Variants in LIN9 observed in about 807,000 individuals in gnomAD.
The protein encoded by LIN9 is protein lin-9 homolog.
A neutral mutation model predicts 78.0 loss-of-function variants in LIN9; 18 were observed. The observed-to-expected ratio is 0.23, with a 90% confidence interval of 0.16 to 0.34. The LOEUF is 0.34. Ranked by LOEUF, LIN9 falls within the 10% of genes least tolerant of loss-of-function variation. The pLI, the probability that LIN9 is intolerant of heterozygous loss-of-function variation, is 1.00. For synonymous variants in LIN9, 192 were observed against 215.2 expected, an observed-to-expected ratio of 0.89 and a Z score of 0.94; for missense variants, 451 against 644.1, an observed-to-expected ratio of 0.70 and a Z score of 3.25.
chr1:226,259,911 AACT>A (rs1209437227), intron 10 of LIN9, among the ~76,000 whole-genome samples: 7 of 150,074 alleles, frequency 4.7e-5, no homozygotes, highest in South Asian at 2.1e-4. Context: ...GAATAATATA[AACT>A]AGAGCAGAAA....
chr1:226,300,348 C>A (rs960551791), intron 2 of LIN9, among the ~76,000 whole-genome samples: 1 of 151,776 alleles, frequency 6.6e-6, no homozygotes, highest in Non-Finnish European at 1.5e-5. Flanking sequence ...CCCAGGAGTT[C>A]GAGACCAGCC....
At chr1:226,252,143 T>C (rs1304702293) in intron 10 of LIN9, among the ~76,000 whole-genome samples, 1 of 151,966 alleles carries the variant, frequency 6.6e-6, no homozygotes, top group African/African-American at 2.4e-5. Flanking sequence ...ATTAGCTGGG[T>C]TTGGTGGCTT....
Position 226,289,217 on chromosome 1 carries a change from AGAGT to A in LIN9, c.265-1424_265-1421del, listed in dbSNP as rs1661570030. On this transcript the variant is annotated intron_variant, in intron 4 of 14. Coordinates refer to ENST00000681046, the MANE Select transcript of LIN9 (RefSeq NM_001366245.2). Reference sequence around the variant, plus strand: ...ACCACTGCACTCCAGCCTGGGCGACAGAGTGAGACTCCATGTCAAAAAAAAAGAA... The same window carrying A: ...ACCACTGCACTCCAGCCTGGGCGACAGAGACTCCATGTCAAAAAAAAAGAA... Among the ~76,000 whole-genome samples the A allele has an allele frequency of 3.3e-5, 5 of 151,852 alleles. No individual in the cohort carries two copies. In the South Asian group the frequency reaches 1.0e-3, roughly 32 times the overall value.
intron 6 of LIN9, among the ~76,000 whole-genome samples, chr1:226,282,054 T>G (rs374921944): frequency 1.8e-4 from 28 of 152,332 alleles, no homozygotes; most frequent in African/African-American, 6.7e-4. Context: ...AAAATGCATA[T>G]GTTCCTCTAT....
At chr1:226,236,947 A>G (rs1266785909) in intron 12 of LIN9, among the ~76,000 whole-genome samples, 3 of 152,224 alleles carry the variant, frequency 2.0e-5, no homozygotes, top group Non-Finnish European at 2.9e-5. Context: ...CAGTGAGGCT[A>G]TGAACATTCT....
In LIN9 at chr1:226,231,435, C is replaced by T. The variant is rs148302888; in HGVS notation, c.*1066G>A. On this transcript the variant is annotated 3_prime_UTR_variant, in exon 15 of 15. Transcript: ENST00000681046. Reference sequence around the variant, plus strand: ...ACCACCTCTACAGCTATATCTTAAACTCCAAATTTGAAAAAAATTTATATT... The same window carrying T: ...ACCACCTCTACAGCTATATCTTAAATTCCAAATTTGAAAAAAATTTATATT... 2 of 152,578 alleles carry T rather than the reference C, an allele frequency of 1.3e-5. No individual in the cohort carries two copies. Among genetic ancestry groups the T allele is most frequent in the Admixed American group, 1.3e-4 (2 of 15,292 alleles). The allele number at this position is 152,578 out of a possible 1,614,324, so 9.5% of individuals were successfully genotyped here.
intron 6 of LIN9, among the ~76,000 whole-genome samples, chr1:226,284,497 G>A (rs1307161617): frequency 1.3e-5 from 2 of 152,118 alleles, no homozygotes; most frequent in Non-Finnish European, 2.9e-5. Context: ...GCTGAGGTGG[G>A]TGGATCACCT....
Position 226,304,604 on chromosome 1 carries a change from CG to C in LIN9, c.32-3400del, listed in dbSNP as rs561104721. On this transcript the variant is annotated intron_variant, in intron 1 of 14. Coordinates refer to ENST00000681046, the MANE Select transcript of LIN9 (RefSeq NM_001366245.2). ...TAGCTACCTTACTTTTGAGTACAGA[CG>C]GTTTCTCTGAGGAGGTAACATCTAA... Among the ~76,000 whole-genome samples the C allele has an allele frequency of 5.8e-4, 89 of 152,228 alleles. No homozygotes were observed. In the Middle Eastern group the frequency reaches 0.01, roughly 17 times the overall value.
At chr1:226,300,324 C>T (rs952055144) in intron 2 of LIN9, among the ~76,000 whole-genome samples, 15 of 151,682 alleles carry the variant, frequency 9.9e-5, no homozygotes, top group African/African-American at 3.6e-4. Context: ...GCTGAGGCAG[C>T]AGGATCCCTT....
Position 226,278,887 on chromosome 1 carries a change from C to T in LIN9, c.525-955G>A, listed in dbSNP as rs1205730133. Among the ~76,000 whole-genome samples, 5 of 149,860 alleles carry T rather than the reference C, an allele frequency of 3.3e-5. No homozygotes were observed. The East Asian group carries it at 5.9e-4, about 18-fold the overall frequency. On this transcript the variant is annotated intron_variant, in intron 6 of 14. Transcript: ENST00000681046. Reference sequence around the variant, plus strand: ...CTGTAATCCCAGCACTTTGGGAGGCCGAGGCGGGTAGATATCGAGGTCAGG... The same window carrying T: ...CTGTAATCCCAGCACTTTGGGAGGCTGAGGCGGGTAGATATCGAGGTCAGG...
upstream of LIN9, chr1:226,309,244 G>A (rs575607251): frequency 4.4e-6 from 6 of 1,360,304 alleles, no homozygotes; most frequent in East Asian, 1.3e-4. Context: ...CGCTGCCCGC[G>A]GCGCCGCGCT....
intron 7 of LIN9, among the ~76,000 whole-genome samples, chr1:226,271,436 T>G (rs1373879417): frequency 6.6e-6 from 1 of 152,220 alleles, no homozygotes; most frequent in African/African-American, 2.4e-5. Flanking sequence ...AATTCTATTG[T>G]GGTCAGAGAA....
intron 1 of LIN9, among the ~76,000 whole-genome samples, chr1:226,304,039 G>C (rs970518857): frequency 6.6e-6 from 1 of 152,164 alleles, no homozygotes; most frequent in African/African-American, 2.4e-5. Flanking sequence ...TTGCCTCTCT[G>C]TGCTATTGTT....
chr1:226,285,248 T>C (rs1220114799), intron 6 of LIN9, among the ~76,000 whole-genome samples: 1 of 152,100 alleles, frequency 6.6e-6, no homozygotes, highest in East Asian at 1.9e-4. Context: ...CGCAAAATGA[T>C]AGCAAAAAGT....
chr1:226,233,594 CCT>C (rs1340555947), intron 12 of LIN9, 71 bp from the exon 13 acceptor site: 3 of 1,163,686 alleles, frequency 2.6e-6, no homozygotes, highest in Non-Finnish European at 3.4e-6. Context: ...GTGTTTGTGC[CCT>C]CTTTTCAGAT....
At chr1:226,232,654 G>GA in intron 14 of LIN9, 48 bp from the exon 15 acceptor site, 2 of 1,258,766 alleles carry the variant, frequency 1.6e-6, no homozygotes, top group South Asian at 1.4e-5. Context: ...AAAAAATTAA[G>GA]AAAAAAATTT....
intron 5 of LIN9, among the ~76,000 whole-genome samples, chr1:226,286,773 A>G (rs1371813589): frequency 6.6e-6 from 1 of 152,174 alleles, no homozygotes; most frequent in Non-Finnish European, 1.5e-5. Context: ...AGTTAGCTAC[A>G]AAGTATCTTT....
chr1:226,284,605 TC>T (rs1364807524), intron 6 of LIN9, among the ~76,000 whole-genome samples: 4 of 151,940 alleles, frequency 2.6e-5, no homozygotes, highest in Non-Finnish European at 5.9e-5. Context: ...GCACCTATAA[TC>T]CCAGCTACTC....
rs572172734 is a variant in LIN9, at chr1:226,273,834, C to CTTT, written c.682+3938_682+3940dup. Among the ~76,000 whole-genome samples the CTTT allele has an allele frequency of 1.4e-4, 19 of 137,130 alleles. 1 individual carries two copies. Among genetic ancestry groups the CTTT allele is most frequent in the Non-Finnish European group, 6.2e-5 (4 of 64,222 alleles). 90.0% of individuals were successfully genotyped at this position (137,130 alleles called of 152,430 possible). Reference sequence around the variant, plus strand: ...ACTACAATGCTCCCTCTCAACATTACTTTTTTTTTTTTTTTTTCTTTGAGA... The same window carrying CTTT: ...ACTACAATGCTCCCTCTCAACATTACTTTTTTTTTTTTTTTTTTTTCTTTGAGA... On this transcript the variant is annotated intron_variant, in intron 7 of 14. Transcript: ENST00000681046.
Sources: gnomAD v4.1 joint callset for allele counts (sites outside exome capture counted in the v4.1 genomes callset) on GRCh38, gnomAD v4.1.1 for gene constraint, MANE v1.5 for transcripts, NCBI Gene and HGNC (gene_info 2026-07-23, HGNC 2026-07-21) for gene names.